CLASP1: variants seen among roughly 807,000 people sequenced by gnomAD.
CLASP1 encodes the protein cytoplasmic linker associated protein 1.
A neutral mutation model predicts 192.3 loss-of-function variants in CLASP1; 38 were observed. That is an observed-to-expected ratio of 0.20 (90% CI 0.15 to 0.26). The LOEUF (loss-of-function observed/expected upper bound fraction) is 0.26. Among genes scored for constraint, CLASP1 ranks in the 10% least tolerant of loss-of-function variants. The pLI is 1.00. For synonymous variants in CLASP1, 691 were observed against 712.8 expected (o/e 0.97, Z 0.49); for missense variants, 1,433 against 1,932.5 (o/e 0.74, Z 4.85).
intron 7 of CLASP1, among the ~76,000 whole-genome samples, chr2:121,511,574 G>A (rs111501836): frequency 0.038 from 5,751 of 149,474 alleles, 151 homozygotes; most frequent in East Asian, 0.14. Context: ...GGCAACAAGA[G>A]CGAAACTCCA....
chr2:121,409,950 G>A (rs1284520481), intron 24 of CLASP1, among the ~76,000 whole-genome samples: 2 of 152,210 alleles, frequency 1.3e-5, no homozygotes, highest in Non-Finnish European at 2.9e-5. Context: ...ACCTGACTGA[G>A]CAGGAATAAA....
In CLASP1 at chr2:121,345,812, C is replaced by A. The variant is rs562874134; in HGVS notation, c.4530+1226G>T. ...GGTTCTCAACCAGGGGTGATTCTGCCCCCCAGAGGGCATCTGGCCAGGTGT... is the reference window on the plus strand; with the variant it reads ...GGTTCTCAACCAGGGGTGATTCTGCACCCCAGAGGGCATCTGGCCAGGTGT... On this transcript the variant is annotated intron_variant, in intron 39 of 39. Transcript: ENST00000263710. Among the ~76,000 whole-genome samples, 112 of 152,304 alleles carry A rather than the reference C, an allele frequency of 7.4e-4. 2 individuals carry two copies. The highest frequency in any genetic ancestry group is 2.6e-3 in the African/African-American group (108 of 41,564).
chr2:121,581,430 A>G lies in CLASP1; in HGVS notation c.195+24271T>C, dbSNP rs368311915. On this transcript the variant is annotated intron_variant, in intron 2 of 39. Transcript: ENST00000263710. Reference sequence around the variant, plus strand: ...GCTGGGACTACAGGCGCCCGCCACCACGCCCGGCTAATTTTTTGTATTTTT... The same window carrying G: ...GCTGGGACTACAGGCGCCCGCCACCGCGCCCGGCTAATTTTTTGTATTTTT... Among the ~76,000 whole-genome samples the G allele has an allele frequency of 8.7e-4, 131 of 150,124 alleles. 2 individuals are homozygous for G. Among genetic ancestry groups the G allele is most frequent in the African/African-American group, 2.6e-3 (107 of 40,694 alleles).
chr2:121,642,354 C>CA (rs1231427221), intron 1 of CLASP1, among the ~76,000 whole-genome samples: 12 of 145,458 alleles, frequency 8.2e-5, no homozygotes. Context: ...AAGCCATGAT[C>CA]ATACCACCAC....
chr2:121,372,615 T>C (rs2068986976), intron 34 of CLASP1, among the ~76,000 whole-genome samples: 1 of 152,246 alleles, frequency 6.6e-6, no homozygotes, highest in Non-Finnish European at 1.5e-5. Flanking sequence ...TGCACTAGCA[T>C]TTGCTCGACA....
chr2:121,592,944 C>G (rs898793589), intron 2 of CLASP1, among the ~76,000 whole-genome samples: 1 of 152,124 alleles, frequency 6.6e-6, no homozygotes, highest in Non-Finnish European at 1.5e-5. Context: ...CCACGCCCGG[C>G]CTAATAACTG....
At chr2:121,587,222 C>T (rs1016459173) in intron 2 of CLASP1, among the ~76,000 whole-genome samples, 8 of 152,018 alleles carry the variant, frequency 5.3e-5, no homozygotes, top group South Asian at 4.2e-4. Context: ...GCCTGGGCAA[C>T]GCGGCGAGAC....
intron 7 of CLASP1, among the ~76,000 whole-genome samples, chr2:121,506,509 G>T (rs1418003659): frequency 6.6e-6 from 1 of 152,068 alleles, no homozygotes; most frequent in Non-Finnish European, 1.5e-5. Flanking sequence ...AAGGTGGGGG[G>T]AAGGAGGGGT....
chr2:121,538,507 G>A (rs901616533), intron 2 of CLASP1, among the ~76,000 whole-genome samples: 10 of 151,894 alleles, frequency 6.6e-5, no homozygotes, highest in African/African-American at 1.2e-4. Context: ...TCTAGAAGGC[G>A]CTAGGCATGG....
chr2:121,465,338 C>G (rs1313587761), intron 9 of CLASP1, among the ~76,000 whole-genome samples: 1 of 152,176 alleles, frequency 6.6e-6, no homozygotes, highest in African/African-American at 2.4e-5. Flanking sequence ...GATACAAAAT[C>G]AATGTACAAA....
intron 19 of CLASP1, among the ~76,000 whole-genome samples, chr2:121,436,567 C>T (rs1317129367): frequency 3.3e-5 from 5 of 151,878 alleles, no homozygotes; most frequent in East Asian, 3.9e-4. Context: ...CGAGCCACCA[C>T]GCCCAGCTAA....
rs759464523 is a variant in CLASP1, at chr2:121,530,942, A to AT, written c.196-618_196-617insA. On this transcript the variant is annotated intron_variant, in intron 2 of 39. Transcript: ENST00000263710. ...AGCGCATAGTGAGGGCAGTACTGCT[A>AT]ACGCCTGAACAACACACCCGCATCA... 10 of 700,302 alleles carry AT rather than the reference A, an allele frequency of 1.4e-5. No individual in the cohort carries two copies. Among genetic ancestry groups the AT allele is most frequent in the Non-Finnish European group, 2.1e-5 (8 of 384,826 alleles). 43.4% of individuals were successfully genotyped at this position (700,302 alleles called of 1,614,324 possible).
chr2:121,466,731 A>G (rs1296765236), intron 9 of CLASP1, among the ~76,000 whole-genome samples: 1 of 152,224 alleles, frequency 6.6e-6, no homozygotes, highest in Non-Finnish European at 1.5e-5. Flanking sequence ...ATCTCCTACA[A>G]TTTATTTAAT....
At chr2:121,459,343 T>C (rs886687753) in intron 12 of CLASP1, among the ~76,000 whole-genome samples, 7 of 152,112 alleles carry the variant, frequency 4.6e-5, no homozygotes, top group African/African-American at 1.7e-4. Flanking sequence ...AGTCTTAAAA[T>C]AGCAAACAAA....
rs1200648362 is a variant in CLASP1 at position 121,407,715 on chromosome 2, T to G, written c.2425A>C (p.Lys809Gln). The G allele has an allele frequency of 1.2e-6, 2 of 1,613,780 alleles. No individual in the cohort carries two copies. Among genetic ancestry groups the G allele is most frequent in the Admixed American group, 1.7e-5 (1 of 59,992 alleles). Residue 809 changes from lysine to glutamine, a missense_variant and splice_region_variant, in exon 25 of 40, where the codon AAG becomes CAG. Around this residue, in one of 8 missense-constraint regions of CLASP1, gnomAD observed 445 missense variants for 535.5 expected, o/e 0.83. Transcript: ENST00000263710. ...TCATATCTCCTCCTCACAGGCTTCT[T>G]CTGACAGGTCCAATGAGGGATGGGA...
intron 2 of CLASP1, among the ~76,000 whole-genome samples, chr2:121,596,839 C>T (rs2063198420): frequency 6.6e-6 from 1 of 152,196 alleles, no homozygotes; most frequent in South Asian, 2.1e-4. Flanking sequence ...TTAGCACTGA[C>T]TTATTTCCTA....
chr2:121,430,156 T>G (rs367816555), exon 20 of CLASP1: 2 of 1,569,914 alleles, frequency 1.3e-6, no homozygotes, highest in Non-Finnish European at 1.7e-6. Context: ...CCCAGAGCTT[T>G]GCCGTCTTGT....
chr2:121,571,271 G>A (rs1576098334), intron 2 of CLASP1, among the ~76,000 whole-genome samples: 1 of 151,980 alleles, frequency 6.6e-6, no homozygotes. Context: ...TGCCTCCCAG[G>A]CTCAAGCAAT....
chr2:121,394,796 C>T lies in CLASP1; in HGVS notation c.3123+2344G>A, dbSNP rs547122952. Among the ~76,000 whole-genome samples the T allele has an allele frequency of 2.6e-3, 397 of 152,272 alleles. 2 individuals carry two copies. The highest frequency in any genetic ancestry group is 9.1e-3 in the African/African-American group (379 of 41,548). ...TCGGGAGGCTGAGGCAGGAGAATGG[C>T]GTGAACCCGGGAGGCGGAGGTTGCA... On this transcript the variant is annotated intron_variant, in intron 30 of 39. Coordinates refer to ENST00000263710, the Ensembl canonical transcript of CLASP1.
Sources: allele counts gnomAD v4.1 joint callset (sites outside exome capture counted in the v4.1 genomes callset), GRCh38; gene constraint gnomAD v4.1.1; regional missense constraint gnomAD v4.1.1; transcripts MANE v1.5; gene names NCBI Gene and HGNC (gene_info 2026-07-23, HGNC 2026-07-21).